Variants in KCNC2 observed in about 807,000 individuals in gnomAD.
KCNC2 encodes potassium voltage-gated channel subfamily C member 2.
In KCNC2, 21 loss-of-function variants were observed where a neutral mutation model predicts 44.5. The observed-to-expected ratio is 0.47, with a 90% confidence interval of 0.33 to 0.68. KCNC2 has a LOEUF of 0.68. Among genes scored for constraint, KCNC2 ranks in the 30% least tolerant of loss-of-function variants. KCNC2 has a pLI of 0.01. For missense variants in KCNC2, 589 were observed against 826.2 expected (o/e 0.71, Z 3.52); for synonymous variants, 391 against 339.1 (o/e 1.15, Z -1.68).
At chr12:75,084,636 A>G (rs930492670) in intron 2 of KCNC2, among the ~76,000 whole-genome samples, 2 of 151,934 alleles carry the variant, frequency 1.3e-5, no homozygotes, top group African/African-American at 4.8e-5. Flanking sequence ...TTTAAGTCCA[A>G]TGAAACCTCT....
intron 2 of KCNC2, among the ~76,000 whole-genome samples, chr12:75,089,687 A>G (rs1424882044): frequency 6.6e-6 from 1 of 151,872 alleles, no homozygotes; most frequent in Non-Finnish European, 1.5e-5. Flanking sequence ...AAATGGAATT[A>G]TGGTCTCCAA....
intron 2 of KCNC2, among the ~76,000 whole-genome samples, chr12:75,180,695 A>G (rs1892514887): frequency 6.6e-6 from 1 of 151,890 alleles, no homozygotes; most frequent in Non-Finnish European, 1.5e-5. Context: ...AGTTTGCTAT[A>G]TAATTTTTAC....
chr12:75,176,833 A>G (rs577068351), intron 2 of KCNC2, among the ~76,000 whole-genome samples: 2 of 152,082 alleles, frequency 1.3e-5, no homozygotes, highest in Admixed American at 1.3e-4. Flanking sequence ...AATTTGACCA[A>G]CAAAAAAACC....
chr12:75,162,537 C>T (rs922550304), intron 2 of KCNC2, among the ~76,000 whole-genome samples: 36 of 151,728 alleles, frequency 2.4e-4, no homozygotes, highest in African/African-American at 8.7e-4. Context: ...GTCAGACTGT[C>T]AGAGGCTGTG....
chr12:75,091,223 A>G (rs1259247511), intron 2 of KCNC2, among the ~76,000 whole-genome samples: 1 of 151,724 alleles, frequency 6.6e-6, no homozygotes, highest in Non-Finnish European at 1.5e-5. Flanking sequence ...AATTATTATT[A>G]CTATAATGCT....
rs1592975373 is a variant in KCNC2, at chr12:75,150,571, C to T, written c.687+56726G>A. 2.0e-5 allele frequency among the ~76,000 whole-genome samples: 3 copies of T among 152,024 alleles called. No homozygotes were observed. In the South Asian group the frequency reaches 6.2e-4, roughly 31 times the overall value. On this transcript the variant is annotated intron_variant, in intron 2 of 4. Transcript: ENST00000549446. ...ATCTTTCCTATAAGCACCATCAATACTTCCTTGGCATTATATTGTTTTTTA... is the reference window on the plus strand; with the variant it reads ...ATCTTTCCTATAAGCACCATCAATATTTCCTTGGCATTATATTGTTTTTTA...
At chr12:75,116,256 C>T (rs2446333) in intron 2 of KCNC2, among the ~76,000 whole-genome samples, 93,902 of 151,922 alleles carry the variant, frequency 0.62, 31,205 homozygotes, top group African/African-American at 0.87. Flanking sequence ...AAGGAGGGTC[C>T]GAAGGGAACC....
chr12:75,109,206 T>C (rs1410997540), intron 2 of KCNC2, among the ~76,000 whole-genome samples: 3 of 152,214 alleles, frequency 2.0e-5, no homozygotes, highest in Non-Finnish European at 4.4e-5. Context: ...CTCTTATGAA[T>C]ACCCGATTAT....
chr12:75,153,674 T>C (rs1592982310), intron 2 of KCNC2, among the ~76,000 whole-genome samples: 1 of 151,956 alleles, frequency 6.6e-6, no homozygotes, highest in Non-Finnish European at 1.5e-5. Context: ...AATAGCCTAC[T>C]GTTGACTGGA....
At chr12:75,106,002 A>G (rs1886751839) in intron 2 of KCNC2, among the ~76,000 whole-genome samples, 1 of 151,984 alleles carries the variant, frequency 6.6e-6, no homozygotes, top group Non-Finnish European at 1.5e-5. Context: ...CTGAGCTCCC[A>G]GAAAATTCAA....
intron 2 of KCNC2, among the ~76,000 whole-genome samples, chr12:75,157,531 A>G (rs1173277923): frequency 1.3e-5 from 2 of 151,866 alleles, no homozygotes; most frequent in Non-Finnish European, 2.9e-5. Flanking sequence ...TGATCCACAT[A>G]CTTCCTTGGA....
chr12:75,086,699 T>TATATATACAC (rs1339170718), intron 2 of KCNC2, among the ~76,000 whole-genome samples: 10 of 138,840 alleles, frequency 7.2e-5, no homozygotes, highest in African/African-American at 2.8e-4. Context: ...TATATATATA[T>TATATATACAC]ACACACACAT....
At chr12:75,151,915 A>ATCTATATAATATATTATATATTATACATT (rs1565895400) in intron 2 of KCNC2, among the ~76,000 whole-genome samples, 42 of 142,462 alleles carry the variant, frequency 2.9e-4, no homozygotes, top group African/African-American at 1.1e-3. Flanking sequence ...AGTCTAATAT[A>ATCTATATAATATATTATATATTATACATT]TATATATAAT....
chr12:75,140,157 G>T (rs889048556), intron 2 of KCNC2: 1 of 152,142 alleles, frequency 6.6e-6, no homozygotes, highest in Non-Finnish European at 1.5e-5. Flanking sequence ...TACATGTCTG[G>T]ACTTTTTTTT....
chr12:75,058,816 A>G (rs1882013104), intron 2 of KCNC2, among the ~76,000 whole-genome samples: 1 of 151,942 alleles, frequency 6.6e-6, no homozygotes, highest in South Asian at 2.1e-4. Flanking sequence ...CAGGTAGCCA[A>G]TTTCCATCCA....
rs1173444320 is a variant in KCNC2, at chr12:75,207,771, G to A, written c.213C>T (p.Ser71=). 3 of 1,577,664 alleles carry A rather than the reference G, an allele frequency of 1.9e-6. No homozygotes were observed. The highest frequency in any genetic ancestry group is 1.4e-5 in the African/African-American group (1 of 73,372). ...LSPPPRAPPL[S]PGPGGCFEGG... is the part of the protein sequence containing the mutation. ...CCTCGAAGCAGCCGCCTGGCCCGGGGGACAGCGGGGGCGCTCTCGGCGGCG... is the reference window on the plus strand; with the variant it reads ...CCTCGAAGCAGCCGCCTGGCCCGGGAGACAGCGGGGGCGCTCTCGGCGGCG... Residue 71 remains serine (S), a synonymous_variant, in exon 2 of 5, where the codon TCC becomes TCT. Transcript: ENST00000549446. The surrounding 1 kb of genome is among the most constrained non-coding windows in gnomAD (Gnocchi z 4.1).
At chr12:75,178,766 T>A (rs1262288138) in intron 2 of KCNC2, among the ~76,000 whole-genome samples, 2 of 152,060 alleles carry the variant, frequency 1.3e-5, no homozygotes, top group Admixed American at 6.6e-5. Flanking sequence ...AATACTTCTG[T>A]CTTTGATACA....
In KCNC2 at chr12:75,051,092, G is replaced by A. The variant is rs747606646; in HGVS notation, c.913C>T (p.Pro305Ser). ...TTTTTGATGAATTCAAGTTTATTGG[G>A]TGAAAAAACAATACGGACTAAAAAT... is the stretch of plus-strand genomic sequence containing the variant. Reference protein sequence around the residue: ...FEFLVRIVFSPNKLEFIKNLL... With the variant: ...FEFLVRIVFSSNKLEFIKNLL... Residue 305 changes from proline (P) to serine (S), a missense_variant, in exon 3 of 5, where the codon CCC (proline) becomes TCC (serine). This residue lies in a region of KCNC2 where 67 missense variants were observed against 237.4 expected (regional missense o/e 0.28). Coordinates refer to ENST00000549446, the MANE Select transcript of KCNC2 (RefSeq NM_139137.4). 6.2e-7 allele frequency: 1 copy of A among 1,613,202 alleles called. No homozygotes were observed. The highest frequency in any genetic ancestry group is 1.7e-5 in the Admixed American group (1 of 59,958).
intron 2 of KCNC2, among the ~76,000 whole-genome samples, chr12:75,079,899 GA>G (rs1426849235): frequency 6.6e-6 from 1 of 152,038 alleles, no homozygotes; most frequent in Non-Finnish European, 1.5e-5. Flanking sequence ...CCTTTTGGGA[GA>G]ACAATGTGAT....
Sources: allele counts gnomAD v4.1 joint callset (sites outside exome capture counted in the v4.1 genomes callset), GRCh38; gene constraint gnomAD v4.1.1; regional missense constraint gnomAD v4.1.1; non-coding constraint Gnocchi (gnomAD v3.1); transcripts MANE v1.5; gene names NCBI Gene and HGNC (gene_info 2026-07-23, HGNC 2026-07-21).